The following SUSD4 variants were observed in gnomAD, a reference collection of about 807,000 sequenced individuals.
SUSD4 encodes sushi domain-containing protein 4.
In SUSD4, 41 loss-of-function variants were observed where a neutral mutation model predicts 50.5. That is an observed-to-expected ratio of 0.81 (90% CI 0.63 to 1.05). SUSD4 has a LOEUF of 1.05. SUSD4 is among the 50% of genes least tolerant of loss of function. SUSD4 has a pLI of 0.00. For synonymous variants in SUSD4, 257 were observed against 257.3 expected, an observed-to-expected ratio of 1.00 and a Z score of 0.01; for missense variants, 580 against 634.7, an observed-to-expected ratio of 0.91 and a Z score of 0.93.
intron 5 of SUSD4, among the ~76,000 whole-genome samples, chr1:223,260,949 C>G (rs768414606): frequency 6.6e-6 from 1 of 152,204 alleles, no homozygotes. Flanking sequence ...TCACAAAGTG[C>G]TCTCCACTCC....
chr1:223,264,093 T>G (rs1395546031), intron 5 of SUSD4: 1 of 985,302 alleles, frequency 1.0e-6, no homozygotes, highest in Non-Finnish European at 1.2e-6. Flanking sequence ...TCCTTCTCAC[T>G]ACTTCATACT....
rs531851571 is a variant in SUSD4 at position 223,265,692 on chromosome 1, T to A, written c.536-874A>T. ...GAAACACTAAGCAGCCTGTTTGCCC[T>A]GAAGCCTGTGCAGCCAGTAGAACAC... On this transcript the variant is annotated intron_variant, in intron 4 of 8. Transcript: ENST00000366878. Among the ~76,000 whole-genome samples the A allele has an allele frequency of 2.6e-5, 4 of 152,330 alleles. No homozygotes were observed. The South Asian group carries it at 8.3e-4, about 32-fold the overall frequency.
At chr1:223,304,068 G>C (rs1353217537) in intron 2 of SUSD4, among the ~76,000 whole-genome samples, 1 of 152,204 alleles carries the variant, frequency 6.6e-6, no homozygotes, top group Non-Finnish European at 1.5e-5. Flanking sequence ...AAGAGGCCTA[G>C]AAGAGCCGTG....
chr1:223,326,084 T>C (rs1256564593), intron 2 of SUSD4, among the ~76,000 whole-genome samples: 1 of 152,182 alleles, frequency 6.6e-6, no homozygotes, highest in African/African-American at 2.4e-5. Context: ...GGCATAACAT[T>C]ACCAGACCTC....
chr1:223,224,145 TG>T (rs1255958231), intron 7 of SUSD4, among the ~76,000 whole-genome samples: 7 of 152,194 alleles, frequency 4.6e-5, no homozygotes, highest in Admixed American at 3.9e-4. Flanking sequence ...GAGACCAGCC[TG>T]GGCAACATAG....
At position 223,297,170 on chromosome 1, in the gene SUSD4, G is replaced by C. The variant is rs1319654623; in HGVS notation, c.149-4519C>G. ...CACTGGGACCACTGCCCATGCAGCT[G>C]CAGGGACAGGAAAGGACTGTCCCTG... On this transcript the variant is annotated intron_variant, in intron 2 of 8. Coordinates refer to ENST00000366878, the MANE Select transcript of SUSD4 (RefSeq NM_017982.4). Among the ~76,000 whole-genome samples, 4 of 152,230 alleles carry C rather than the reference G, an allele frequency of 2.6e-5. No homozygotes were observed. In the South Asian group the frequency reaches 8.3e-4, roughly 31 times the overall value.
chr1:223,306,988 A>G (rs1665575430), intron 2 of SUSD4, among the ~76,000 whole-genome samples: 1 of 149,982 alleles, frequency 6.7e-6, no homozygotes, highest in Non-Finnish European at 1.5e-5. Context: ...TTCCACTTCT[A>G]AATTCTACAG....
chr1:223,362,320 T>C (rs981754021), intron 2 of SUSD4, among the ~76,000 whole-genome samples: 5 of 152,246 alleles, frequency 3.3e-5, no homozygotes, highest in African/African-American at 9.6e-5. Flanking sequence ...ATGGTTTATT[T>C]ACATCAGTCA....
intron 2 of SUSD4, among the ~76,000 whole-genome samples, chr1:223,336,105 C>T (rs1667441946): frequency 6.6e-6 from 1 of 152,006 alleles, no homozygotes; most frequent in Non-Finnish European, 1.5e-5. Context: ...AGGCATGCGC[C>T]ACCACGCCCA....
chr1:223,345,519 C>T (rs1227426326), intron 2 of SUSD4, among the ~76,000 whole-genome samples: 2 of 152,178 alleles, frequency 1.3e-5, no homozygotes, highest in African/African-American at 2.4e-5. Context: ...CTCCTGCATC[C>T]CTCAGGGGGA....
chr1:223,239,826 A>G (rs1434631366), intron 5 of SUSD4, among the ~76,000 whole-genome samples: 1 of 152,190 alleles, frequency 6.6e-6, no homozygotes, highest in Non-Finnish European at 1.5e-5. Flanking sequence ...TCAATCAAGA[A>G]TAAGAAAAAT....
At chr1:223,356,333 C>A (rs1201957316) in intron 2 of SUSD4, among the ~76,000 whole-genome samples, 1 of 152,062 alleles carries the variant, frequency 6.6e-6, no homozygotes, top group Admixed American at 6.6e-5. Context: ...ATCTCACAAA[C>A]TATCAAATGT....
At position 223,223,381 on chromosome 1, in the gene SUSD4, C is replaced by T. The variant is rs761223845; in HGVS notation, c.1312G>A (p.Glu438Lys). The T allele has an allele frequency of 3.1e-6, 5 of 1,613,846 alleles. No individual in the cohort carries two copies. The highest frequency in any genetic ancestry group is 4.2e-6 in the Non-Finnish European group (5 of 1,179,870). The change falls in exon 8 of 9, where the codon GAG becomes AAG. Residue 438 changes from glutamate (E) to lysine (K), a missense_variant. Transcript: ENST00000366878. ...ETCDSVSGSS[E>K]LLQSLYSPPR... ...GGTGAATACAGACTTTGGAGCAGCT[C>T]AGAAGAGCCTGAGACGCTGTCACAG...
intron 2 of SUSD4, among the ~76,000 whole-genome samples, chr1:223,339,921 C>T (rs1667661845): frequency 6.6e-6 from 1 of 152,190 alleles, no homozygotes. Context: ...CACTAATTTG[C>T]CAAGTTGAAG....
At chr1:223,258,654 A>T (rs988159712) in intron 5 of SUSD4, among the ~76,000 whole-genome samples, 4 of 152,118 alleles carry the variant, frequency 2.6e-5, no homozygotes, top group African/African-American at 9.7e-5. Flanking sequence ...AGGCTGAAAA[A>T]ATCTTTTGAA....
chr1:223,359,935 G>A (rs902734616), intron 2 of SUSD4, among the ~76,000 whole-genome samples: 9 of 83,538 alleles, frequency 1.1e-4, no homozygotes, highest in Non-Finnish European at 2.3e-4. Flanking sequence ...GGCTCAGGAC[G>A]GGGTAGGCAC....
intron 3 of SUSD4, among the ~76,000 whole-genome samples, chr1:223,271,268 G>C (rs1179632843): frequency 6.6e-6 from 1 of 152,206 alleles, no homozygotes; most frequent in Non-Finnish European, 1.5e-5. Flanking sequence ...TGGACACGTG[G>C]ACATTGGCTG....
intron 3 of SUSD4, among the ~76,000 whole-genome samples, chr1:223,274,042 G>A (rs1663094918): frequency 6.6e-6 from 1 of 152,054 alleles, no homozygotes; most frequent in Non-Finnish European, 1.5e-5. Context: ...ACAAGTGAGG[G>A]GGGTCTTGGG....
intron 2 of SUSD4, among the ~76,000 whole-genome samples, chr1:223,337,158 A>G (rs1329426358): frequency 1.3e-5 from 2 of 152,256 alleles, no homozygotes; most frequent in Non-Finnish European, 2.9e-5. Context: ...GAGCTCAAGT[A>G]TTAGTTGAAT....
Sources: gnomAD v4.1 joint callset for allele counts (sites outside exome capture counted in the v4.1 genomes callset) on GRCh38, gnomAD v4.1.1 for gene constraint, MANE v1.5 for transcripts, NCBI Gene and HGNC (gene_info 2026-07-23, HGNC 2026-07-21) for gene names.